Variants in ODAD2 observed in about 807,000 individuals in gnomAD.
ODAD2 encodes outer dynein arm-docking complex subunit 2.
In ODAD2, 89 loss-of-function variants were observed where a neutral mutation model predicts 106.8. That is an observed-to-expected ratio of 0.83 (90% confidence interval 0.70 to 0.99). ODAD2 has a LOEUF of 0.99. Among genes scored for constraint, ODAD2 ranks in the 50% least tolerant of loss-of-function variants. ODAD2 has a pLI of 0.00. For synonymous variants in ODAD2, 404 were observed against 436.2 expected (o/e 0.93, Z 0.92); for missense variants, 1,168 against 1,238.5 (o/e 0.94, Z 0.85).
At position 27,907,740 on chromosome 10, in the gene ODAD2, A is replaced by G; in HGVS notation, c.2533T>C (p.Ser845Pro). Residue 845 changes from serine (S) to proline (P), a missense_variant, in exon 17 of 20, where the codon TCC becomes CCC. Ser to Pro is a moderately conservative substitution (Grantham distance 74). Transcript: ENST00000305242. ...DRLDGVRLLWSLLKNPHPDVK... is the reference protein window; with the variant it reads ...DRLDGVRLLWPLLKNPHPDVK... The stretch of plus-strand genomic sequence containing the variant: ...TCTGGGTGAGGATTTTTCAGCAGGG[A>G]CCACAACAAACGAACTCCATCTAAG... 1 of 1,613,864 alleles carries G rather than the reference A, an allele frequency of 6.2e-7. No individual in the cohort carries two copies. The highest frequency in any genetic ancestry group is 8.5e-7 in the Non-Finnish European group (1 of 1,179,852).
intron 17 of ODAD2, among the ~76,000 whole-genome samples, chr10:27,895,037 GT>G (rs1842775960): frequency 1.2e-5 from 1 of 84,174 alleles, no homozygotes. Flanking sequence ...CTAGTCATCG[GT>G]ACGAAAAAAA....
At chr10:27,989,716 G>A (rs1850102086) in intron 2 of ODAD2, among the ~76,000 whole-genome samples, 1 of 152,152 alleles carries the variant, frequency 6.6e-6, no homozygotes, top group South Asian at 2.1e-4. Flanking sequence ...AGGCATGGTG[G>A]CACGTGCTTT....
At chr10:27,999,448 C>CAA (rs113706952), upstream of ODAD2, among the ~76,000 whole-genome samples, 10 of 151,908 alleles carry the variant, frequency 6.6e-5, no homozygotes, top group African/African-American at 2.2e-4. Context: ...TGTTTCTCTC[C>CAA]AAAAAAACAA....
chr10:27,976,576 A>G (rs1849202538), intron 7 of ODAD2, among the ~76,000 whole-genome samples: 1 of 152,216 alleles, frequency 6.6e-6, no homozygotes, highest in Admixed American at 6.5e-5. Context: ...GCTACAAAAC[A>G]TTGGTGAGAG....
At chr10:27,963,880 C>T (rs1252554896) in intron 9 of ODAD2, among the ~76,000 whole-genome samples, 2 of 152,058 alleles carry the variant, frequency 1.3e-5, no homozygotes, top group Non-Finnish European at 2.9e-5. Context: ...TTAATTCTCT[C>T]AACAATCTAT....
chr10:27,995,508 G>T, intron 1 of ODAD2: 1 of 205,554 alleles, frequency 4.9e-6, no homozygotes. Context: ...AAAAGGAAGT[G>T]GAAGAGGTTT....
intron 3 of ODAD2, among the ~76,000 whole-genome samples, chr10:27,986,325 G>A (rs1849872069): frequency 6.6e-6 from 1 of 152,094 alleles, no homozygotes; most frequent in African/African-American, 2.4e-5. Flanking sequence ...TGAAACTAAG[G>A]GTTATACCAA....
intron 17 of ODAD2, among the ~76,000 whole-genome samples, chr10:27,896,248 A>T (rs1228408896): frequency 6.6e-6 from 1 of 152,220 alleles, no homozygotes; most frequent in African/African-American, 2.4e-5. Context: ...TATCTTCCTT[A>T]TTACCTAATC....
intron 17 of ODAD2, among the ~76,000 whole-genome samples, chr10:27,885,638 A>ATT (rs1313537738): frequency 1.5e-5 from 1 of 68,902 alleles, no homozygotes; most frequent in East Asian, 4.3e-4. Context: ...TAAAATATAT[A>ATT]TTATATATAT....
At chr10:27,854,228 G>A (rs1033998721) in intron 19 of ODAD2, among the ~76,000 whole-genome samples, 2 of 152,184 alleles carry the variant, frequency 1.3e-5, no homozygotes, top group Non-Finnish European at 2.9e-5. Context: ...CATACCAAGT[G>A]TTGGCAAGGA....
chr10:27,880,171 C>T (rs558854078), intron 17 of ODAD2, among the ~76,000 whole-genome samples: 1 of 152,298 alleles, frequency 6.6e-6, no homozygotes, highest in African/African-American at 2.4e-5. Context: ...GGCCAGGACT[C>T]CCCTGTCCTG....
Position 27,987,394 on chromosome 10 carries a change from C to A in ODAD2, c.374G>T (p.Cys125Phe). 1 of 1,612,938 alleles carries A rather than the reference C, an allele frequency of 6.2e-7. No individual in the cohort carries two copies. The highest frequency in any genetic ancestry group is 8.5e-7 in the Non-Finnish European group (1 of 1,179,646). ...TGGAGCATTAAGATCACCTTCAACA[C>A]ATGCTTGGGCTTCCTTCAACTTCCC... Reference protein sequence around the residue: ...KTGKLKEAQACVEANRDPIVK... With the variant: ...KTGKLKEAQAFVEANRDPIVK... The change falls in exon 3 of 20, where the codon TGT (cysteine) becomes TTT (phenylalanine). Residue 125 changes from cysteine (C) to phenylalanine (F), a missense_variant. By Grantham distance (205) the Cys-to-Phe change is radical (BLOSUM62 -2). Coordinates refer to ENST00000305242, the MANE Select transcript of ODAD2 (RefSeq NM_018076.5).
chr10:27,906,332 A>C (rs1213839240), intron 17 of ODAD2, among the ~76,000 whole-genome samples: 1 of 152,234 alleles, frequency 6.6e-6, no homozygotes, highest in East Asian at 1.9e-4. Context: ...CACCAGTTAG[A>C]ATGGCAATCA....
chr10:27,844,032 T>C (rs1364591169), intron 19 of ODAD2, among the ~76,000 whole-genome samples: 1 of 151,894 alleles, frequency 6.6e-6, no homozygotes. Flanking sequence ...TTCCCATCTC[T>C]ACAAACAATA....
At chr10:27,958,084 CATTTATAG>C (rs1476930015) in intron 10 of ODAD2, among the ~76,000 whole-genome samples, 2 of 152,152 alleles carry the variant, frequency 1.3e-5, no homozygotes, top group African/African-American at 4.8e-5. Flanking sequence ...ACCTTGAAAT[CATTTATAG>C]ATATACTTTT....
intron 16 of ODAD2, among the ~76,000 whole-genome samples, chr10:27,924,008 A>AAGAAAGAAAGAAAGAAAGAAAGAACGAG: frequency 9.6e-6 from 1 of 104,188 alleles, no homozygotes; most frequent in South Asian, 3.1e-4. Flanking sequence ...GAAAGAAAGA[A>AAGAAAGAAAGAAAGAAAGAAAGAACGAG]AGAAAGAAAG....
chr10:27,976,049 T>C (rs1213022238), intron 7 of ODAD2, among the ~76,000 whole-genome samples: 1 of 152,096 alleles, frequency 6.6e-6, no homozygotes, highest in Admixed American at 6.5e-5. Flanking sequence ...AAACACATGA[T>C]TCTCTCCACA....
intron 19 of ODAD2, among the ~76,000 whole-genome samples, chr10:27,836,600 T>G (rs1284631471): frequency 1.3e-5 from 2 of 152,140 alleles, no homozygotes; most frequent in Non-Finnish European, 2.9e-5. Flanking sequence ...ATGTTCCAAC[T>G]CTTGAAAAAT....
chr10:27,838,303 G>A (rs758943621), intron 19 of ODAD2, among the ~76,000 whole-genome samples: 1 of 152,168 alleles, frequency 6.6e-6, no homozygotes, highest in Non-Finnish European at 1.5e-5. Flanking sequence ...TCTTATACGA[G>A]AACACTATTT....
Sources: allele counts gnomAD v4.1 joint callset (sites outside exome capture counted in the v4.1 genomes callset), GRCh38; gene constraint gnomAD v4.1.1; transcripts MANE v1.5; gene names NCBI Gene and HGNC (gene_info 2026-07-23, HGNC 2026-07-21).